The following SPEN variants were observed in gnomAD, a reference collection of about 807,000 sequenced individuals.
The protein encoded by SPEN is spen family transcriptional repressor.
SPEN carries 18 observed loss-of-function variants against 269.9 expected under a neutral mutation model. That is an observed-to-expected ratio of 0.07 (90% CI 0.05 to 0.10). The LOEUF (loss-of-function observed/expected upper bound fraction) is 0.10. Among genes scored for constraint, SPEN ranks in the 10% least tolerant of loss-of-function variants. The pLI, the probability that SPEN is intolerant of heterozygous loss-of-function variation, is 1.00. For synonymous variants in SPEN, 1,726 were observed against 1,765.7 expected (o/e 0.98, Z 0.56); for missense variants, 3,822 against 4,631.2 (o/e 0.83, Z 5.07).
intron 3 of SPEN, among the ~76,000 whole-genome samples, chr1:15,880,185 C>G (rs1243660569): frequency 6.6e-6 from 1 of 152,084 alleles, no homozygotes; most frequent in Non-Finnish European, 1.5e-5. Flanking sequence ...GGGGAAGAAT[C>G]ACTGAGAGAT....
chr1:15,854,639 C>T (rs1002174606), intron 1 of SPEN, among the ~76,000 whole-genome samples: 2 of 152,042 alleles, frequency 1.3e-5, no homozygotes, highest in Non-Finnish European at 2.9e-5. Context: ...CATGCACCAC[C>T]ACACCCAGCT....
In SPEN at chr1:15,931,675, C is replaced by A. The variant is rs777175815; in HGVS notation, c.5435C>A (p.Ala1812Asp). The A allele has an allele frequency of 6.2e-7, 1 of 1,614,192 alleles. No homozygotes were observed. The highest frequency in any genetic ancestry group is 8.5e-7 in the Non-Finnish European group (1 of 1,180,036). Residue 1812 changes from alanine (A) to aspartate (D), a missense_variant, in exon 11 of 15, where the codon GCT (alanine) becomes GAT (aspartate). By Grantham distance (126) the Ala-to-Asp change is moderately radical. Transcript: ENST00000375759. This position sits in a 1 kb window ranked among gnomAD's most constrained non-coding sequence, Gnocchi z 4.8. ...GATTTAGAGGTTGATCCTCCAGTTG[C>A]TGCAAAGGATAAAAAGCCAAACAAA... Reference protein sequence around the residue: ...SEDLEVDPPVAAKDKKPNKSK... With the variant: ...SEDLEVDPPVDAKDKKPNKSK...
chr1:15,929,627 T>C lies in SPEN; in HGVS notation c.3387T>C (p.Val1129=), dbSNP rs775702815. Residue 1129 remains valine, a synonymous_variant, in exon 11 of 15, where the codon GTT becomes GTC. Coordinates refer to ENST00000375759, the MANE Select transcript of SPEN (RefSeq NM_015001.3). This position sits in a 1 kb window ranked among gnomAD's most constrained non-coding sequence, Gnocchi z 5.8. ...ATCAAGGACCAGAGAGAGAAGACGT[T>C]AGGAAAAACTATTGCAGTCTTCGTG... ...LDDQGPERED[V]RKNYCSLRDE... The C allele has an allele frequency of 1.9e-6, 3 of 1,614,066 alleles. No individual in the cohort carries two copies. Among genetic ancestry groups the C allele is most frequent in the Non-Finnish European group, 2.5e-6 (3 of 1,179,994 alleles).
At chr1:15,899,124 G>C (rs1397555846) in intron 3 of SPEN, among the ~76,000 whole-genome samples, 1 of 152,150 alleles carries the variant, frequency 6.6e-6, no homozygotes, top group African/African-American at 2.4e-5. Context: ...TTTCCCGTCA[G>C]TAATGCACAA....
intron 5 of SPEN, among the ~76,000 whole-genome samples, chr1:15,914,251 TAACTC>T (rs1440452173): frequency 6.6e-6 from 1 of 152,168 alleles, no homozygotes; most frequent in Admixed American, 6.5e-5. Flanking sequence ...TATTCTGACT[TAACTC>T]AAGGTCCCTG....
chr1:15,885,523 A>G (rs1409247259), intron 3 of SPEN, among the ~76,000 whole-genome samples: 1 of 152,186 alleles, frequency 6.6e-6, no homozygotes, highest in African/African-American at 2.4e-5. Flanking sequence ...GGTTTTATTG[A>G]CTGTGTATGA....
intron 5 of SPEN, among the ~76,000 whole-genome samples, chr1:15,912,266 G>A (rs2071019378): frequency 1.3e-5 from 2 of 152,200 alleles, no homozygotes; most frequent in Admixed American, 1.3e-4. Flanking sequence ...AAAAATGCAG[G>A]CTCTTTAACC....
intron 5 of SPEN, among the ~76,000 whole-genome samples, chr1:15,913,954 C>T (rs1570041451): frequency 6.6e-6 from 1 of 152,172 alleles, no homozygotes; most frequent in African/African-American, 2.4e-5. Context: ...ATCATGCTTT[C>T]TTCTTGTGTT....
At position 15,929,703 on chromosome 1, in the gene SPEN, A is replaced by G; in HGVS notation, c.3463A>G (p.Thr1155Ala). The G allele has an allele frequency of 6.2e-7, 1 of 1,614,156 alleles. No homozygotes were observed. The highest frequency in any genetic ancestry group is 8.5e-7 in the Non-Finnish European group (1 of 1,179,984). ...CCAAGAGAAATCACATTCAGTAAAT[A>G]CTGAAGAAAAAATTGGCATTGACAT... ...SGQEKSHSVN[T>A]EEKIGIDIDH... is the part of the protein sequence containing the mutation. Residue 1155 changes from threonine to alanine, a missense_variant, in exon 11 of 15, where the codon ACT becomes GCT. Thr to Ala is a moderately conservative substitution (Grantham distance 58, BLOSUM62 0). Coordinates refer to ENST00000375759, the MANE Select transcript of SPEN (RefSeq NM_015001.3). The surrounding 1 kb of genome is among the most constrained non-coding windows in gnomAD (Gnocchi z 5.8).
chr1:15,852,244 A>C (rs1459784890), intron 1 of SPEN, among the ~76,000 whole-genome samples: 1 of 152,120 alleles, frequency 6.6e-6, no homozygotes, highest in Non-Finnish European at 1.5e-5. Context: ...TGAGACCAGA[A>C]GGTTTCTATG....
rs749764443 is a variant in SPEN at position 15,848,828 on chromosome 1, CG to C, written c.83+680del. Among the ~76,000 whole-genome samples, 31 of 152,050 alleles carry C rather than the reference CG, an allele frequency of 2.0e-4. No individual in the cohort carries two copies. The highest frequency in any genetic ancestry group is 4.1e-4 in the Non-Finnish European group (28 of 67,994). On this transcript the variant is annotated intron_variant, in intron 1 of 14. Transcript: ENST00000375759. The surrounding 1 kb of genome is among the most constrained non-coding windows in gnomAD (Gnocchi z 5.1). ...GCGCCCGTTTGGGCTTCCTCGTCCCCGGCGGAGGAGACCGCGTCTGACAGGA... is the reference window on the plus strand; with the variant it reads ...GCGCCCGTTTGGGCTTCCTCGTCCCCGCGGAGGAGACCGCGTCTGACAGGA...
Position 15,939,543 on chromosome 1 carries a change from C to T in SPEN, c.*116C>T, listed in dbSNP as rs1052470898. Reference sequence around the variant, plus strand: ...GAAGGGGACAGACTCCACTGCCAGACGGCCAGCCGTTTGCTGTCCTGCCGC... The same window carrying T: ...GAAGGGGACAGACTCCACTGCCAGATGGCCAGCCGTTTGCTGTCCTGCCGC... On this transcript the variant is annotated 3_prime_UTR_variant, in exon 15 of 15. Transcript: ENST00000375759. The surrounding 1 kb of genome is among the most constrained non-coding windows in gnomAD (Gnocchi z 4.1). 25 of 1,313,854 alleles carry T rather than the reference C, an allele frequency of 1.9e-5. No individual in the cohort carries two copies. The highest frequency in any genetic ancestry group is 1.1e-4 in the East Asian group (4 of 36,132). The allele number at this position is 1,313,854 out of a possible 1,614,324, so 81.4% of individuals were successfully genotyped here.
At position 15,939,422 on chromosome 1, in the gene SPEN, G is replaced by A. The variant is rs1173307823; in HGVS notation, c.10990G>A (p.Val3664Met). The A allele has an allele frequency of 4.4e-6, 7 of 1,592,468 alleles. No homozygotes were observed. The highest frequency in any genetic ancestry group is 1.1e-5 in the South Asian group (1 of 87,688). Residue 3664 changes from valine to methionine, a missense_variant, in exon 15 of 15, where the codon GTG (valine) becomes ATG (methionine). Physicochemically the swap from Val to Met is conservative, Grantham distance 21 (BLOSUM62 1). This residue lies in a region of SPEN where 103 missense variants were observed against 215.8 expected (regional missense o/e 0.48). Transcript: ENST00000375759. This position sits in a 1 kb window ranked among gnomAD's most constrained non-coding sequence, Gnocchi z 4.1. ...CCACCTCATGATTGTCATTGCCTCC[G>A]TGTGAGCCACTGAGTGGTTATCACC... Reference protein sequence around the residue: ...SPHLMIVIASV With the variant: ...SPHLMIVIASM
chr1:15,888,212 G>A (rs76867906), intron 3 of SPEN, among the ~76,000 whole-genome samples: 11 of 150,642 alleles, frequency 7.3e-5, no homozygotes, highest in African/African-American at 2.4e-4. Flanking sequence ...GGGTTCAAGC[G>A]ATTCTCTTGT....
chr1:15,916,081 TTA>T (rs2071064498), intron 5 of SPEN, 45 bp from the exon 6 acceptor site: 2 of 1,565,106 alleles, frequency 1.3e-6, no homozygotes, highest in African/African-American at 2.8e-5. Context: ...TAAATATGCA[TTA>T]AAATACTGTC....
chr1:15,918,984 A>G lies in SPEN; in HGVS notation c.1454A>G (p.Asp485Gly). 6.2e-7 allele frequency: 1 copy of G among 1,605,498 alleles called. No homozygotes were observed. The highest frequency in any genetic ancestry group is 8.5e-7 in the Non-Finnish European group (1 of 1,172,824). ...VPQYAFLQYC[D>G]IASVCKAIKK... ...CAGTATGCGTTTCTGCAATACTGTGATATTGCTAGCGTTTGTAAAGCTATT... is the reference window on the plus strand; with the variant it reads ...CAGTATGCGTTTCTGCAATACTGTGGTATTGCTAGCGTTTGTAAAGCTATT... Residue 485 changes from aspartate (D) to glycine (G), a missense_variant, in exon 7 of 15, where the codon GAT (aspartate) becomes GGT (glycine). Physicochemically the swap from Asp to Gly is moderately conservative, Grantham distance 94. This residue lies in a region of SPEN where 230 missense variants were observed against 426.1 expected (regional missense o/e 0.54). Transcript: ENST00000375759.
In SPEN at chr1:15,923,914, C is replaced by T. The variant is rs1305012051; in HGVS notation, c.1850+1565C>T. ...TGAACTCCTGACCTCGTGATCCGCCCGCCTTGGCCTCTCAAAGTGCTGGGA... is the reference window on the plus strand; with the variant it reads ...TGAACTCCTGACCTCGTGATCCGCCTGCCTTGGCCTCTCAAAGTGCTGGGA... On this transcript the variant is annotated intron_variant, in intron 10 of 14. Coordinates refer to ENST00000375759, the MANE Select transcript of SPEN (RefSeq NM_015001.3). Among the ~76,000 whole-genome samples the T allele has an allele frequency of 3.3e-5, 5 of 152,234 alleles. No homozygotes were observed. In the South Asian group the frequency reaches 6.2e-4, roughly 19 times the overall value.
At chr1:15,893,554 G>A (rs2070809820) in intron 3 of SPEN, among the ~76,000 whole-genome samples, 1 of 152,128 alleles carries the variant, frequency 6.6e-6, no homozygotes, top group South Asian at 2.1e-4. Context: ...TTTCTGGTAG[G>A]GAGTTAGGTG....
intron 1 of SPEN, among the ~76,000 whole-genome samples, chr1:15,867,722 T>A (rs1224075611): frequency 2.0e-5 from 3 of 152,104 alleles, no homozygotes; most frequent in Non-Finnish European, 4.4e-5. Context: ...CTTTTTTTTT[T>A]TTTTAGCTGC....
Sources: gnomAD v4.1 joint callset for allele counts (sites outside exome capture counted in the v4.1 genomes callset) on GRCh38, gnomAD v4.1.1 for gene constraint, gnomAD v4.1.1 regional missense constraint, Gnocchi (gnomAD v3.1) non-coding constraint, MANE v1.5 for transcripts, NCBI Gene and HGNC (gene_info 2026-07-23, HGNC 2026-07-21) for gene names.